DPM1: variants seen among roughly 807,000 people sequenced by gnomAD.
DPM1 encodes the protein dolichol-phosphate mannosyltransferase subunit 1.
DPM1 carries 27 observed loss-of-function variants against 39.0 expected under a neutral mutation model. The observed-to-expected ratio is 0.69, with a 90% CI of 0.51 to 0.95. DPM1 has a LOEUF of 0.95. Among genes scored for constraint, DPM1 ranks in the 40% least tolerant of loss-of-function variants. DPM1 has a pLI of 0.00. For missense variants in DPM1, 307 were observed against 315.6 expected, an observed-to-expected ratio of 0.97 and a Z score of 0.21; for synonymous variants, 124 against 109.0, an observed-to-expected ratio of 1.14 and a Z score of -0.86.
chr20:50,945,963 A>G, intron 3 of DPM1, 40 bp from the exon 4 acceptor site: 1 of 1,530,280 alleles, frequency 6.5e-7, no homozygotes. Context: ...AATCAACAGA[A>G]ATCTTTACAT....
chr20:50,944,637 GGAACTCCCT>G (rs775842088), intron 5 of DPM1: 48 of 152,304 alleles, frequency 3.2e-4, no homozygotes, highest in African/African-American at 6.0e-4. Context: ...GATGTTAGTG[GGAACTCCCT>G]GAACTCCCTG....
intron 6 of DPM1, chr20:50,941,266 A>AG (rs1985750955): frequency 5.8e-6 from 1 of 171,660 alleles, no homozygotes; most frequent in Non-Finnish European, 1.1e-5. Context: ...ATATATATAA[A>AG]TAAAATACAT....
chr20:50,952,912 A>G (rs1017109946), intron 2 of DPM1, among the ~76,000 whole-genome samples: 1 of 152,244 alleles, frequency 6.6e-6, no homozygotes, highest in Non-Finnish European at 1.5e-5. Context: ...CATATTATAT[A>G]GTTGAAATTT....
At chr20:50,939,797 A>G (rs980785105) in intron 7 of DPM1, among the ~76,000 whole-genome samples, 2 of 152,118 alleles carry the variant, frequency 1.3e-5, no homozygotes, top group South Asian at 2.1e-4. Context: ...TATTTTTAGT[A>G]GACAGGATTT....
At chr20:50,937,730 A>G (rs1985332907) in intron 7 of DPM1, among the ~76,000 whole-genome samples, 1 of 152,224 alleles carries the variant, frequency 6.6e-6, no homozygotes, top group African/African-American at 2.4e-5. Flanking sequence ...CCTCCCAAGT[A>G]GCTGAGACTA....
chr20:50,941,227 AATATATATATATATATATATATATAT>A lies in DPM1; in HGVS notation c.495-320_495-295del, dbSNP rs58694792. 8 of 61,182 alleles carry A rather than the reference AATATATATATATATATATATATATAT, an allele frequency of 1.3e-4. 2 individuals carry two copies. Among genetic ancestry groups the A allele is most frequent in the Non-Finnish European group, 2.0e-4 (7 of 34,364 alleles). 3.8% of individuals were successfully genotyped at this position (61,182 alleles called of 1,614,324 possible). ...CTCCATCACTACAAAAAAAAAAGTG[AATATATATATATATATATATATATAT>A]ATATATATATAAATAAAATACATTC... On this transcript the variant is annotated intron_variant, in intron 6 of 8. Coordinates refer to ENST00000371588, the MANE Select transcript of DPM1 (RefSeq NM_003859.3).
At chr20:50,949,538 T>G (rs1368010525) in intron 2 of DPM1, among the ~76,000 whole-genome samples, 1 of 152,200 alleles carries the variant, frequency 6.6e-6, no homozygotes, top group African/African-American at 2.4e-5. Context: ...TGCTTAATAG[T>G]TGGAGCCTGA....
chr20:50,944,216 GATA>G lies in DPM1; in HGVS notation c.398+1518_398+1520del, dbSNP rs1223982625. On this transcript the variant is annotated intron_variant, in intron 5 of 8. Transcript: ENST00000371588. ...AGTTTTTAACTTTGTTAAACTAATGGATAATAAAATGGTCACACACAGTTATTT... is the reference window on the plus strand; with the variant it reads ...AGTTTTTAACTTTGTTAAACTAATGGATAAAATGGTCACACACAGTTATTT... 5.3e-5 allele frequency: 8 copies of G among 152,260 alleles called. No homozygotes were observed. In the South Asian group the frequency reaches 8.3e-4, roughly 16 times the overall value. 9.4% of individuals were successfully genotyped at this position (152,260 alleles called of 1,614,324 possible).
chr20:50,949,586 T>C (rs1986472555), intron 2 of DPM1, among the ~76,000 whole-genome samples: 1 of 152,160 alleles, frequency 6.6e-6, no homozygotes, highest in South Asian at 2.1e-4. Context: ...GCTGGACACT[T>C]TAAAAGTCAA....
chr20:50,948,649 C>T lies in DPM1; in HGVS notation c.275G>A (p.Arg92Gln), dbSNP rs1324570980. The T allele has an allele frequency of 1.4e-5, 23 of 1,613,750 alleles. No individual in the cohort carries two copies. In the Admixed American group the frequency reaches 1.8e-4, roughly 13 times the overall value. ...CTTACCTAGTCCCAACTTTTTCTCT[C>T]GTGGTCTTAGAAGCTGTAGGAATAA... Reference protein sequence around the residue: ...YGSDRILLRPREKKLGLGTAY... With the variant: ...YGSDRILLRPQEKKLGLGTAY... Residue 92 changes from arginine to glutamine, a missense_variant, in exon 3 of 9, where the codon CGA becomes CAA. Physicochemically the swap from Arg to Gln is conservative, Grantham distance 43. This residue lies in a region of DPM1 where 206 missense variants were observed against 188.2 expected (regional missense o/e 1.09). Coordinates refer to ENST00000371588, the MANE Select transcript of DPM1 (RefSeq NM_003859.3).
In DPM1 at chr20:50,935,112, TATAA is replaced by T; in HGVS notation, c.*16_*19del. The T allele has an allele frequency of 7.4e-7, 1 of 1,348,434 alleles. No individual in the cohort carries two copies. Among genetic ancestry groups the T allele is most frequent in the Non-Finnish European group, 1.1e-6 (1 of 939,604 alleles). The allele number at this position is 1,348,434 out of a possible 1,614,324, so 83.5% of individuals were successfully genotyped here. On this transcript the variant is annotated 3_prime_UTR_variant, in exon 9 of 9. Coordinates refer to ENST00000371588, the MANE Select transcript of DPM1 (RefSeq NM_003859.3). ...ATGTTTAACCTGAAATGAACGTAAC[TATAA>T]ATGAGTATCTTTCTTTTATGTAGTA...
At chr20:50,938,476 A>G (rs1186984418) in intron 7 of DPM1, among the ~76,000 whole-genome samples, 5 of 150,268 alleles carry the variant, frequency 3.3e-5, no homozygotes, top group Admixed American at 3.3e-4. Context: ...TCTGCCTCCC[A>G]GGTTCACGCC....
intron 1 of DPM1, among the ~76,000 whole-genome samples, chr20:50,956,717 T>G (rs1304455611): frequency 6.6e-6 from 1 of 152,190 alleles, no homozygotes; most frequent in African/African-American, 2.4e-5. Flanking sequence ...GCCTTAAATC[T>G]GGGCACTGGT....
chr20:50,955,213 C>T lies in DPM1; in HGVS notation c.234G>A (p.Leu78=). 2 of 1,613,016 alleles carry T rather than the reference C, an allele frequency of 1.2e-6. No individual in the cohort carries two copies. Among genetic ancestry groups the T allele is most frequent in the Non-Finnish European group, 1.7e-6 (2 of 1,179,664 alleles). Reference sequence around the variant, plus strand: ...TTCTGTCTGACCCATAGATCTTCTCCAACTGTTCAGCAACATCCCTTGTTC... The same window carrying T: ...TTCTGTCTGACCCATAGATCTTCTCTAACTGTTCAGCAACATCCCTTGTTC... ...PDGTRDVAEQ[L]EKIYGSDRIL... Residue 78 remains leucine (L), a synonymous_variant, in exon 2 of 9, where the codon TTG becomes TTA. Coordinates refer to ENST00000371588, the MANE Select transcript of DPM1 (RefSeq NM_003859.3).
chr20:50,947,820 G>T (rs1986375867), intron 3 of DPM1, among the ~76,000 whole-genome samples: 1 of 151,896 alleles, frequency 6.6e-6, no homozygotes, highest in African/African-American at 2.4e-5. Flanking sequence ...GTAGGGATGG[G>T]GTTTTACCAT....
rs75032934 is a variant in DPM1, at chr20:50,956,901, T to C, written c.161+1462A>G. 2.6e-4 allele frequency among the ~76,000 whole-genome samples: 39 copies of C among 152,330 alleles called. No homozygotes were observed. The East Asian group carries it at 6.2e-3, about 24-fold the overall frequency. On this transcript the variant is annotated intron_variant, in intron 1 of 8. Transcript: ENST00000371588. The stretch of plus-strand genomic sequence containing the variant: ...ACCAAGCTGGGCTGACTTCAAGTAA[T>C]TTGATTGCATCTGAAAAGTTTTGTT...
At chr20:50,946,329 A>T (rs1322581222) in intron 3 of DPM1, among the ~76,000 whole-genome samples, 1 of 152,082 alleles carries the variant, frequency 6.6e-6, no homozygotes, top group East Asian at 1.9e-4. Flanking sequence ...TAATATCTCC[A>T]CTTGGGTATT....
At chr20:50,954,788 G>A (rs1048223871) in intron 2 of DPM1, among the ~76,000 whole-genome samples, 2 of 152,176 alleles carry the variant, frequency 1.3e-5, no homozygotes, top group Non-Finnish European at 2.9e-5. Context: ...ATTTCAGGCA[G>A]TATTCTCTAA....
At chr20:50,954,452 G>C (rs183088435) in intron 2 of DPM1, among the ~76,000 whole-genome samples, 2 of 152,244 alleles carry the variant, frequency 1.3e-5, no homozygotes, top group East Asian at 3.9e-4. Flanking sequence ...CACGTCAATA[G>C]TGCCAAGACT....
Sources: allele counts gnomAD v4.1 joint callset (sites outside exome capture counted in the v4.1 genomes callset), GRCh38; gene constraint gnomAD v4.1.1; regional missense constraint gnomAD v4.1.1; transcripts MANE v1.5; gene names NCBI Gene and HGNC (gene_info 2026-07-23, HGNC 2026-07-21).